MLH3: variants seen among roughly 807,000 people sequenced by gnomAD.
MLH3 encodes mutL homolog 3.
Under a neutral mutation model 122.2 loss-of-function variants are expected in MLH3, and 82 were observed. That is an observed-to-expected ratio of 0.67 (90% CI 0.56 to 0.81). The LOEUF is 0.81. Among genes scored for constraint, MLH3 ranks in the 30% least tolerant of loss-of-function variants. MLH3 has a pLI of 0.00. For synonymous variants in MLH3, 524 were observed against 599.5 expected, an observed-to-expected ratio of 0.87 and a Z score of 1.84; for missense variants, 1,539 against 1,714.5, an observed-to-expected ratio of 0.90 and a Z score of 1.81.
chr14:75,035,113 A>G (rs1891316326), intron 6 of MLH3, among the ~76,000 whole-genome samples: 1 of 151,578 alleles, frequency 6.6e-6, no homozygotes, highest in Admixed American at 6.6e-5. Flanking sequence ...AAATTTCAAC[A>G]GATCCATTTT....
At chr14:75,019,269 G>C (rs1890109899) in intron 11 of MLH3, among the ~76,000 whole-genome samples, 1 of 151,974 alleles carries the variant, frequency 6.6e-6, no homozygotes, top group African/African-American at 2.4e-5. Flanking sequence ...AATTAGCCGG[G>C]TGTGGTGGCA....
In MLH3 at chr14:75,016,805, C is replaced by A; in HGVS notation, c.*277G>T. 2 of 346,450 alleles carry A rather than the reference C, an allele frequency of 5.8e-6. No homozygotes were observed. The highest frequency in any genetic ancestry group is 3.4e-5 in the South Asian group (1 of 29,230). The allele number at this position is 346,450 out of a possible 1,614,324, so 21.5% of individuals were successfully genotyped here. On this transcript the variant is annotated 3_prime_UTR_variant, in exon 13 of 13. Coordinates refer to ENST00000355774, the MANE Select transcript of MLH3 (RefSeq NM_001040108.2). ...CAATCAAACTGTCATTAAATTTTAT[C>A]ATTAAATAAGTAGCAAAAGGTAGAT...
In MLH3 at chr14:75,041,707, C is replaced by T; in HGVS notation, c.3380-7G>A. Reference sequence around the variant, plus strand: ...ACAGTATCATCCACAGTATCTAGGGCAAAAGGGAACAGGTAAAGTTGGCAT... The same window carrying T: ...ACAGTATCATCCACAGTATCTAGGGTAAAAGGGAACAGGTAAAGTTGGCAT... On this transcript the variant is annotated splice_region_variant and splice_polypyrimidine_tract_variant and intron_variant, in intron 3 of 12. Coordinates refer to ENST00000355774, the MANE Select transcript of MLH3 (RefSeq NM_001040108.2). The T allele has an allele frequency of 6.2e-7, 1 of 1,606,990 alleles. No individual in the cohort carries two copies.
At position 75,049,187 on chromosome 14, in the gene MLH3, C is replaced by T; in HGVS notation, c.469G>A (p.Val157Ile). ...TVYNLFYQLP[V>I]RRKCMDPRLE... ...CTAGGGTCCATGCATTTCCTCCTTA[C>T]AGGAAGCTGGTAAAATAGGTTATAC... The change falls in exon 2 of 13, where the codon GTA becomes ATA. Residue 157 changes from valine to isoleucine, a missense_variant. Transcript: ENST00000355774. 6.2e-7 allele frequency: 1 copy of T among 1,614,250 alleles called. No individual in the cohort carries two copies. Among genetic ancestry groups the T allele is most frequent in the Non-Finnish European group, 8.5e-7 (1 of 1,180,038 alleles).
At chr14:75,040,052 T>C (rs1891730056) in intron 4 of MLH3, 37 bp from the exon 5 acceptor site, 7 of 1,107,630 alleles carry the variant, frequency 6.3e-6, no homozygotes, top group African/African-American at 6.2e-5. Context: ...GAAATTTTAA[T>C]TTTTGTGTCA....
chr14:75,016,286 T>C lies in MLH3; in HGVS notation c.*796A>G. ...AACGTATGTATGCTGTGTTTTGATA[T>C]GACAATTGCTTTCACATAAAGAGAT... On this transcript the variant is annotated 3_prime_UTR_variant, in exon 13 of 13. Coordinates refer to ENST00000355774, the MANE Select transcript of MLH3 (RefSeq NM_001040108.2). 5.0e-6 allele frequency: 1 copy of C among 200,544 alleles called. No individual in the cohort carries two copies. The highest frequency in any genetic ancestry group is 1.0e-5 in the Non-Finnish European group (1 of 97,352). 12.4% of individuals were successfully genotyped at this position (200,544 alleles called of 1,614,324 possible). A position where few individuals can be genotyped will look rare whatever the true frequency, so the allele number is the denominator to read the frequency against.
At chr14:75,033,229 ATCTTTCAATTAGTGAACTACCACAT>A (rs1435021147) in intron 7 of MLH3, among the ~76,000 whole-genome samples, 165 bp downstream of exon 7, 1 of 152,202 alleles carries the variant, frequency 6.6e-6, no homozygotes, top group Admixed American at 6.5e-5. Context: ...ATAAGTTCAC[ATCTTTCAATTAGTGAACTACCACAT>A]TCTTTCAATT....
chr14:75,047,388 C>T lies in MLH3; in HGVS notation c.2268G>A (p.Lys756=), dbSNP rs769005118. The T allele has an allele frequency of 6.2e-7, 1 of 1,614,122 alleles. No individual in the cohort carries two copies. The highest frequency in any genetic ancestry group is 1.3e-5 in the African/African-American group (1 of 75,036). The change falls in exon 2 of 13, where the codon AAG becomes AAA. Residue 756 remains lysine, a synonymous_variant. Transcript: ENST00000355774. ...CAACCTTCCCATATTGCCTCTTAAACTTCTCTAAAGATCCTAGCTGTGAAC... is the reference window on the plus strand; with the variant it reads ...CAACCTTCCCATATTGCCTCTTAAATTTCTCTAAAGATCCTAGCTGTGAAC... The part of the protein sequence containing the change: ...SLSSQLGSLE[K]FKRQYGKVEN...
intron 7 of MLH3, among the ~76,000 whole-genome samples, chr14:75,032,922 G>T (rs186297193): frequency 6.7e-4 from 94 of 140,548 alleles, no homozygotes; most frequent in African/African-American, 2.2e-3. Context: ...GAAACTAGGA[G>T]GGGTGGGGAC....
At position 75,047,005 on chromosome 14, in the gene MLH3, T is replaced by C; in HGVS notation, c.2651A>G (p.Glu884Gly). The C allele has an allele frequency of 6.2e-7, 1 of 1,614,202 alleles. No individual in the cohort carries two copies. The highest frequency in any genetic ancestry group is 1.3e-5 in the African/African-American group (1 of 75,066). Residue 884 changes from glutamate (E) to glycine (G), a missense_variant, in exon 2 of 13, where the codon GAA becomes GGA. Glu to Gly is a moderately conservative substitution (Grantham distance 98). Coordinates refer to ENST00000355774, the MANE Select transcript of MLH3 (RefSeq NM_001040108.2). ...ASKLSRLKGS[E>G]RETQTMGMMS... ...CATCCCCATTGTTTGAGTTTCTCTTTCGGAACCCTTCAGTCTGGATAATTT... is the reference window on the plus strand; with the variant it reads ...CATCCCCATTGTTTGAGTTTCTCTTCCGGAACCCTTCAGTCTGGATAATTT...
At chr14:75,027,125 T>C (rs531325151) in intron 9 of MLH3, among the ~76,000 whole-genome samples, 1 of 151,450 alleles carries the variant, frequency 6.6e-6, no homozygotes, top group South Asian at 2.1e-4. Flanking sequence ...TAAAATAAAA[T>C]AGAAAGTCAA....
rs28937870 is a variant in MLH3, at chr14:75,049,586, G to C, written c.70C>G (p.Gln24Glu). The change falls in exon 2 of 13, where the codon CAA (glutamine) becomes GAA (glutamate). Residue 24 changes from glutamine to glutamate, a missense_variant. Physicochemically the swap from Gln to Glu is conservative, Grantham distance 29. Transcript: ENST00000355774. ...RSGLAISSLG[Q>E]CVEELALNSI... ...TTGAGGGCAAGTTCCTCAACACATT[G>C]GCCCAAGGAGCTTATGGCCAAACCA... 1.4e-5 allele frequency: 23 copies of C among 1,614,014 alleles called. No individual in the cohort carries two copies. Among genetic ancestry groups the C allele is most frequent in the South Asian group, 8.8e-5 (8 of 91,084 alleles).
intron 9 of MLH3, among the ~76,000 whole-genome samples, chr14:75,024,374 T>C (rs963015908): frequency 1.3e-5 from 2 of 152,136 alleles, no homozygotes; most frequent in African/African-American, 4.8e-5. Context: ...GCTAATTTTG[T>C]ATCTTTAGTA....
chr14:75,027,260 C>T (rs1032304895), intron 9 of MLH3, among the ~76,000 whole-genome samples: 3 of 151,318 alleles, frequency 2.0e-5, no homozygotes, highest in East Asian at 1.9e-4. Context: ...TTATCATTCA[C>T]GGACTTTTTT....
chr14:75,036,777 C>T (rs575952115), intron 6 of MLH3: 3 of 456,202 alleles, frequency 6.6e-6, no homozygotes, highest in African/African-American at 4.0e-5. Context: ...TCATCTTTTA[C>T]ATACTTTCCC....
intron 9 of MLH3, 139 bp from the exon 10 acceptor site, chr14:75,023,157 C>A: frequency 1.0e-6 from 1 of 953,412 alleles, no homozygotes; most frequent in Admixed American, 1.9e-5. Flanking sequence ...CACTTGGGTA[C>A]AAATTTATTT....
At chr14:75,024,429 G>A (rs938118825) in intron 9 of MLH3, among the ~76,000 whole-genome samples, 1 of 152,116 alleles carries the variant, frequency 6.6e-6, no homozygotes. Context: ...TCGAACTCCC[G>A]ACCTCAGATG....
chr14:75,042,367 TG>T lies in MLH3; in HGVS notation c.3379+11del. ...GTGTACTGTGTGCCCCAGCACTCTC[TG>T]CCACCCTTACCTCTGTTATCCTGTC... On this transcript the variant is annotated intron_variant, in intron 3 of 12. Transcript: ENST00000355774. 6.2e-7 allele frequency: 1 copy of T among 1,611,940 alleles called. No individual in the cohort carries two copies. Among genetic ancestry groups the T allele is most frequent in the Non-Finnish European group, 8.5e-7 (1 of 1,177,986 alleles).
rs890485767 is a variant in MLH3, at chr14:75,046,496, T to C, written c.3160A>G (p.Arg1054Gly). 2.5e-6 allele frequency: 4 copies of C among 1,614,098 alleles called. No homozygotes were observed. In the African/African-American group the frequency reaches 4.0e-5, roughly 16 times the overall value. ...GTCATTTTGTTGACATAAACCATTC[T>C]TCCCAGGGCTACATCGAAATGCCGC... ...WQRHFDVALG[R>G]MVYVNKMTGL... Residue 1054 changes from arginine to glycine, a missense_variant, in exon 2 of 13, where the codon AGA becomes GGA. Arg to Gly is a moderately radical substitution (Grantham distance 125). Transcript: ENST00000355774.
Sources: gnomAD v4.1 joint callset for allele counts (sites outside exome capture counted in the v4.1 genomes callset) on GRCh38, gnomAD v4.1.1 for gene constraint, MANE v1.5 for transcripts, NCBI Gene and HGNC (gene_info 2026-07-23, HGNC 2026-07-21) for gene names.